Variants in PRKN observed in about 807,000 individuals in gnomAD.
The protein encoded by PRKN is parkin RBR E3 ubiquitin protein ligase, also known as E3 ubiquitin-protein ligase parkin.
In PRKN, 56 loss-of-function variants were observed where a neutral mutation model predicts 59.5. The observed-to-expected ratio is 0.94, with a 90% CI of 0.76 to 1.18. The LOEUF is 1.18. PRKN is among the 50% of genes most tolerant of loss of function. PRKN has a pLI of 0.00. For missense variants in PRKN, 657 were observed against 596.4 expected (o/e 1.10, Z -1.06); for synonymous variants, 250 against 222.1 (o/e 1.13, Z -1.12).
intron 4 of PRKN, among the ~76,000 whole-genome samples, chr6:162,124,528 T>C (rs1781044281): frequency 1.3e-5 from 2 of 152,008 alleles, no homozygotes; most frequent in African/African-American, 4.8e-5. Flanking sequence ...TGAAATGCAA[T>C]TGAAAAGGGA....
chr6:162,540,807 C>CAA (rs59944356), intron 1 of PRKN, among the ~76,000 whole-genome samples: 55,430 of 125,818 alleles, frequency 0.44, 13,088 homozygotes, highest in Middle Eastern at 0.58. Flanking sequence ...AACTCTGGCT[C>CAA]AAAAAAAAAA....
intron 7 of PRKN, among the ~76,000 whole-genome samples, chr6:161,624,482 G>A (rs1440626450): frequency 3.9e-5 from 6 of 152,216 alleles, no homozygotes; most frequent in African/African-American, 1.4e-4. Context: ...CTCAGCTCAT[G>A]CTCTTGGTCC....
In PRKN at chr6:161,863,686, G is replaced by A. The variant is rs189185765; in HGVS notation, c.735-77778C>T. ...CTCTACACTTCCCGCCTCTACTCCA[G>A]GTGGAAAGTCACAGGGTGGGAGGGC... is the stretch of plus-strand genomic sequence containing the variant. On this transcript the variant is annotated intron_variant, in intron 6 of 11. Coordinates refer to ENST00000366898, the MANE Select transcript of PRKN (RefSeq NM_004562.3). Among the ~76,000 whole-genome samples the A allele has an allele frequency of 5.1e-4, 77 of 152,240 alleles. No homozygotes were observed. The East Asian group carries it at 7.9e-3, about 16-fold the overall frequency.
At chr6:162,054,325 C>T (rs922552029) in intron 4 of PRKN, 151 bp from the exon 5 acceptor site, 5 of 692,648 alleles carry the variant, frequency 7.2e-6, no homozygotes, top group Admixed American at 2.0e-5. Flanking sequence ...TGGGGGTCCC[C>T]GTGACCCTTT....
chr6:162,091,150 T>A (rs755442818), intron 4 of PRKN, among the ~76,000 whole-genome samples: 5 of 151,960 alleles, frequency 3.3e-5, no homozygotes, highest in Admixed American at 6.6e-5. Context: ...TACTGTTACA[T>A]GATTATAAGC....
At chr6:162,028,124 G>T (rs569931459) in intron 5 of PRKN, among the ~76,000 whole-genome samples, 8 of 152,148 alleles carry the variant, frequency 5.3e-5, no homozygotes, top group African/African-American at 1.9e-4. Context: ...AGCTTCAACT[G>T]TGCTCTTTTA....
chr6:161,689,350 C>G (rs1785689862), intron 7 of PRKN, among the ~76,000 whole-genome samples: 1 of 152,158 alleles, frequency 6.6e-6, no homozygotes, highest in Admixed American at 6.6e-5. Flanking sequence ...ATTGCTAACA[C>G]TTTTATTTTC....
At chr6:162,285,229 C>G (rs543685059) in intron 2 of PRKN, among the ~76,000 whole-genome samples, 1 of 149,748 alleles carries the variant, frequency 6.7e-6, no homozygotes, top group Admixed American at 6.7e-5. Context: ...TCTATAGCAG[C>G]AGGCATGTAT....
intron 1 of PRKN, among the ~76,000 whole-genome samples, chr6:162,511,479 T>C (rs1243864338): frequency 1.3e-5 from 2 of 152,150 alleles, no homozygotes; most frequent in Non-Finnish European, 2.9e-5. Context: ...TTTCTCACAG[T>C]TTTCATGTGA....
At chr6:161,882,808 A>T (rs1359743382) in intron 6 of PRKN, among the ~76,000 whole-genome samples, 8 of 152,088 alleles carry the variant, frequency 5.3e-5, no homozygotes, top group African/African-American at 1.9e-4. Flanking sequence ...GTTCGAGACC[A>T]GCCTGGCCAA....
chr6:161,452,382 A>G (rs925383383), intron 9 of PRKN, among the ~76,000 whole-genome samples: 14 of 152,238 alleles, frequency 9.2e-5, no homozygotes, highest in African/African-American at 3.1e-4. Flanking sequence ...AGGCTTTGAT[A>G]CTGTTTACAA....
At chr6:162,658,252 G>A (rs560176884) in intron 1 of PRKN, among the ~76,000 whole-genome samples, 1 of 152,166 alleles carries the variant, frequency 6.6e-6, no homozygotes, top group Non-Finnish European at 1.5e-5. Flanking sequence ...TTTCTGTAGA[G>A]TCTAGCTCTT....
At chr6:161,944,107 G>A (rs929661657) in intron 6 of PRKN, among the ~76,000 whole-genome samples, 1 of 138,158 alleles carries the variant, frequency 7.2e-6, no homozygotes, top group East Asian at 2.3e-4. Context: ...TCAGCCTGAG[G>A]AATCAGCCTG....
intron 4 of PRKN, among the ~76,000 whole-genome samples, chr6:162,174,385 C>T (rs1291135147): frequency 6.6e-6 from 1 of 152,180 alleles, no homozygotes; most frequent in East Asian, 1.9e-4. Context: ...GTCCCCTCAA[C>T]CACACAAACT....
At chr6:161,852,262 A>C (rs1793468913) in intron 6 of PRKN, among the ~76,000 whole-genome samples, 1 of 152,106 alleles carries the variant, frequency 6.6e-6, no homozygotes, top group African/African-American at 2.4e-5. Flanking sequence ...CCTGGACAAC[A>C]TAGTGAGACT....
At chr6:162,687,918 C>A (rs1777631347) in intron 1 of PRKN, among the ~76,000 whole-genome samples, 1 of 152,160 alleles carries the variant, frequency 6.6e-6, no homozygotes, top group Non-Finnish European at 1.5e-5. Context: ...ATGGAGAACT[C>A]ATTGCTCTTA....
chr6:162,417,323 C>A lies in PRKN; in HGVS notation c.171+25987G>T, dbSNP rs370491147. Among the ~76,000 whole-genome samples, 6 of 152,236 alleles carry A rather than the reference C, an allele frequency of 3.9e-5. No homozygotes were observed. In the South Asian group the frequency reaches 1.2e-3, roughly 32 times the overall value. On this transcript the variant is annotated intron_variant, in intron 2 of 11. Transcript: ENST00000366898. ...TCCATTTATAGCACTCTTGATGCCA[C>A]GCGTTGACTGTGAGCTAGGGGTCGC...
chr6:162,365,096 T>C (rs1401197852), intron 2 of PRKN, among the ~76,000 whole-genome samples: 1 of 151,786 alleles, frequency 6.6e-6, no homozygotes, highest in East Asian at 1.9e-4. Context: ...ATCAGGAGTA[T>C]TGTAACCTTT....
In PRKN at chr6:162,375,711, A is replaced by C. The variant is rs146568937; in HGVS notation, c.171+67599T>G. 3.7e-3 allele frequency among the ~76,000 whole-genome samples: 555 copies of C among 151,150 alleles called. 5 individuals carry two copies. Among genetic ancestry groups the C allele is most frequent in the African/African-American group, 0.012 (510 of 41,162 alleles). ...TTGAAAATTCCTTAGTACAAGAAAG[A>C]CTCTGCCAATCTGATACAAATATGG... On this transcript the variant is annotated intron_variant, in intron 2 of 11. Coordinates refer to ENST00000366898, the MANE Select transcript of PRKN (RefSeq NM_004562.3).
Sources: gnomAD v4.1 joint callset for allele counts (sites outside exome capture counted in the v4.1 genomes callset) on GRCh38, gnomAD v4.1.1 for gene constraint, MANE v1.5 for transcripts, NCBI Gene and HGNC (gene_info 2026-07-23, HGNC 2026-07-21) for gene names.